The following USP25 variants were observed in gnomAD, a reference collection of about 807,000 sequenced individuals.
The protein encoded by USP25 is ubiquitin specific peptidase 25, also known as ubiquitin carboxyl-terminal hydrolase 25.
In USP25, 85 loss-of-function variants were observed where a neutral mutation model predicts 158.5. The observed-to-expected ratio is 0.54, with a 90% CI of 0.45 to 0.64. The LOEUF is 0.64. USP25 is among the 30% of genes least tolerant of loss of function. The probability of loss-of-function intolerance (pLI) is 0.00; values close to 1 mark genes in which losing one functional copy is unlikely to be tolerated. For missense variants in USP25, 1,242 were observed against 1,327.3 expected (o/e 0.94, Z 1.00); for synonymous variants, 464 against 460.4 (o/e 1.01, Z -0.10).
chr21:15,857,900 TACTG>T (rs532809629), intron 20 of USP25, among the ~76,000 whole-genome samples: 37 of 152,208 alleles, frequency 2.4e-4, no homozygotes, highest in African/African-American at 8.4e-4. Flanking sequence ...AAACATAAAA[TACTG>T]ACTAATGCCT....
intron 1 of USP25, among the ~76,000 whole-genome samples, chr21:15,743,014 C>A (rs2032204861): frequency 6.6e-6 from 1 of 152,260 alleles, no homozygotes; most frequent in Non-Finnish European, 1.5e-5. Context: ...GGTGTCATAG[C>A]TTCTGCCTGG....
chr21:15,778,067 T>C, intron 4 of USP25, 40 bp downstream of exon 4: 1 of 1,485,974 alleles, frequency 6.7e-7, no homozygotes, highest in South Asian at 1.4e-5. Flanking sequence ...TAAGTACTTT[T>C]AAAAATAGAA....
rs556761001 is a variant in USP25 at position 15,793,280 on chromosome 21, A to G, written c.555+1616A>G. Among the ~76,000 whole-genome samples, 6 of 151,722 alleles carry G rather than the reference A, an allele frequency of 4.0e-5. No individual in the cohort carries two copies. In the East Asian group the frequency reaches 1.2e-3, roughly 29 times the overall value. ...GTTGCTTTTTATTTCTCTATCCTGT[A>G]TGTGTAGGGAAGTTCTGTTTGAAAT... is the stretch of plus-strand genomic sequence containing the variant. On this transcript the variant is annotated intron_variant, in intron 5 of 25. Transcript: ENST00000400183.
chr21:15,831,921 C>CTAACAT (rs2037823741), intron 16 of USP25, among the ~76,000 whole-genome samples: 1 of 152,126 alleles, frequency 6.6e-6, no homozygotes. Flanking sequence ...ATTCCTTAGC[C>CTAACAT]TAACATATAT....
In USP25 at chr21:15,811,152, A is replaced by G. The variant is rs1412900610; in HGVS notation, c.873A>G (p.Pro291=). The change falls in exon 9 of 26, where the codon CCA becomes CCG. Residue 291 remains proline (P), a synonymous_variant. Transcript: ENST00000400183. ...CATACTTTAGGGATGAAGAGAAGCC[A>G]AAGAACCCCATGGTAGAGTTGTTCT... ...KAEEETDEEK[P]KNPMVELFYG... 6.2e-7 allele frequency: 1 copy of G among 1,612,668 alleles called. No individual in the cohort carries two copies. Among genetic ancestry groups the G allele is most frequent in the East Asian group, 2.2e-5 (1 of 44,796 alleles).
intron 1 of USP25, 115 bp downstream of exon 1, chr21:15,730,553 G>T: frequency 1.7e-6 from 2 of 1,172,816 alleles, no homozygotes; most frequent in Non-Finnish European, 1.1e-6. Context: ...CTTCCTCCCC[G>T]GTCACCCCCG....
At chr21:15,840,003 A>G (rs1020964249) in intron 17 of USP25, among the ~76,000 whole-genome samples, 6 of 151,782 alleles carry the variant, frequency 4.0e-5, no homozygotes, top group African/African-American at 1.5e-4. Flanking sequence ...CTTAATTCCA[A>G]CCTTTTCTTA....
chr21:15,862,571 G>GT (rs369492534), intron 20 of USP25, among the ~76,000 whole-genome samples: 13,525 of 127,752 alleles, frequency 0.11, 701 homozygotes, highest in Non-Finnish European at 0.13. Flanking sequence ...CCCCTTCCCC[G>GT]TTTTTTTTTT....
chr21:15,874,309 T>G, intron 23 of USP25, 94 bp from the exon 24 acceptor site: 1 of 1,158,766 alleles, frequency 8.6e-7, no homozygotes, highest in African/African-American at 1.6e-5. Flanking sequence ...TTATCAAAAC[T>G]TAAGCATATA....
chr21:15,793,942 C>A (rs1455640659), intron 5 of USP25, among the ~76,000 whole-genome samples: 2 of 151,572 alleles, frequency 1.3e-5, no homozygotes. Flanking sequence ...CATAAATTGA[C>A]TTTTTACTTG....
rs554528937 is a variant in USP25, at chr21:15,843,578, T to G, written c.2337+1038T>G. 2.0e-4 allele frequency among the ~76,000 whole-genome samples: 30 copies of G among 152,336 alleles called. 1 individual carries two copies. The highest frequency in any genetic ancestry group is 1.6e-3 in the Admixed American group (25 of 15,298). On this transcript the variant is annotated intron_variant, in intron 18 of 25. Transcript: ENST00000400183. The surrounding 1 kb of genome is among the most constrained non-coding windows in gnomAD (Gnocchi z 4.0). ...TATCATCTTATTAAAATGTATTAAT[T>G]TAAATAGATATTTGATGATTCCAAA... is the stretch of plus-strand genomic sequence containing the variant.
intron 1 of USP25, among the ~76,000 whole-genome samples, chr21:15,743,246 A>G (rs1011360292): frequency 8.5e-5 from 13 of 152,182 alleles, no homozygotes; most frequent in African/African-American, 2.4e-4. Flanking sequence ...GGAGTGTGTA[A>G]CAGCTCTTTT....
rs536149809 is a variant in USP25 at position 15,799,930 on chromosome 21, A to G, written c.642+87A>G. 6.7e-6 allele frequency: 5 copies of G among 750,298 alleles called. No individual in the cohort carries two copies. In the African/African-American group the frequency reaches 7.3e-5, roughly 11 times the overall value. The allele number at this position is 750,298 out of a possible 1,614,324, so 46.5% of individuals were successfully genotyped here. A position where few individuals can be genotyped will look rare whatever the true frequency, so the allele number is the denominator to read the frequency against. On this transcript the variant is annotated intron_variant, in intron 6 of 25. Transcript: ENST00000400183. ...TGATTTTTGGGCATTTACTTGGCTCATCAAATCTGAAACTGTCAATTTGAA... is the reference window on the plus strand; with the variant it reads ...TGATTTTTGGGCATTTACTTGGCTCGTCAAATCTGAAACTGTCAATTTGAA...
intron 3 of USP25, among the ~76,000 whole-genome samples, chr21:15,775,989 A>T (rs1010264990): frequency 6.6e-6 from 1 of 151,850 alleles, no homozygotes; most frequent in Non-Finnish European, 1.5e-5. Flanking sequence ...TGATTTTCAA[A>T]TTTTTTCCAC....
chr21:15,846,369 C>G (rs1490658318), intron 18 of USP25, among the ~76,000 whole-genome samples: 1 of 151,152 alleles, frequency 6.6e-6, no homozygotes, highest in African/African-American at 2.4e-5. Flanking sequence ...GCCATGTTGG[C>G]TAGGCTGATC....
chr21:15,841,188 G>C (rs531452394), intron 17 of USP25, among the ~76,000 whole-genome samples: 1 of 152,168 alleles, frequency 6.6e-6, no homozygotes, highest in South Asian at 2.1e-4. Flanking sequence ...TCAAAAACTT[G>C]GTGTGTTCAT....
chr21:15,848,975 T>TA (rs2038759013), intron 19 of USP25, among the ~76,000 whole-genome samples: 1 of 150,608 alleles, frequency 6.6e-6, no homozygotes, highest in South Asian at 2.1e-4. Flanking sequence ...CTAAAAATAA[T>TA]AAGCTATTAT....
chr21:15,734,892 A>G (rs1046085822), intron 1 of USP25, among the ~76,000 whole-genome samples: 1 of 152,188 alleles, frequency 6.6e-6, no homozygotes, highest in African/African-American at 2.4e-5. Context: ...TTACTATATA[A>G]TCCGTGTAAG....
chr21:15,786,876 G>A (rs1408866402), intron 4 of USP25, among the ~76,000 whole-genome samples: 1 of 151,894 alleles, frequency 6.6e-6, no homozygotes, highest in Non-Finnish European at 1.5e-5. Flanking sequence ...GCCCTAAAGA[G>A]TTCACCAAAA....
Sources: allele counts gnomAD v4.1 joint callset (sites outside exome capture counted in the v4.1 genomes callset), GRCh38; gene constraint gnomAD v4.1.1; non-coding constraint Gnocchi (gnomAD v3.1); transcripts MANE v1.5; gene names NCBI Gene and HGNC (gene_info 2026-07-23, HGNC 2026-07-21).